CDC42BPA: variants seen among roughly 807,000 people sequenced by gnomAD.
CDC42BPA encodes serine/threonine-protein kinase MRCK alpha.
Under a neutral mutation model 223.5 loss-of-function variants are expected in CDC42BPA, and 80 were observed. The observed-to-expected ratio is 0.36, with a 90% CI of 0.30 to 0.43. CDC42BPA has a LOEUF of 0.43. CDC42BPA is among the 20% of genes least tolerant of loss of function. The pLI, the probability that CDC42BPA is intolerant of heterozygous loss-of-function variation, is 1.00. For synonymous variants in CDC42BPA, 694 were observed against 718.6 expected, an observed-to-expected ratio of 0.97 and a Z score of 0.55; for missense variants, 1,743 against 2,099.9, an observed-to-expected ratio of 0.83 and a Z score of 3.32.
At chr1:227,260,142 C>G (rs565998767) in intron 1 of CDC42BPA, among the ~76,000 whole-genome samples, 1 of 150,724 alleles carries the variant, frequency 6.6e-6, no homozygotes, top group African/African-American at 2.5e-5. Flanking sequence ...GCTCCAAAAG[C>G]CTTTCCAACA....
chr1:227,151,421 A>G (rs900722995), intron 6 of CDC42BPA, among the ~76,000 whole-genome samples: 4 of 152,138 alleles, frequency 2.6e-5, no homozygotes, highest in Non-Finnish European at 5.9e-5. Flanking sequence ...GGCTACTGTG[A>G]ACAATGCTGC....
chr1:227,070,477 T>C (rs1392895848), intron 20 of CDC42BPA, among the ~76,000 whole-genome samples: 2 of 151,762 alleles, frequency 1.3e-5, no homozygotes, highest in African/African-American at 4.8e-5. Context: ...AACATACAAA[T>C]AAAAATACTA....
At chr1:227,074,055 A>G (rs756393212) in intron 18 of CDC42BPA, 43 bp from the exon 19 acceptor site, 3 of 1,581,602 alleles carry the variant, frequency 1.9e-6, no homozygotes, top group South Asian at 2.3e-5. Flanking sequence ...CCTATTTTTA[A>G]CATTTAAATT....
intron 1 of CDC42BPA, among the ~76,000 whole-genome samples, chr1:227,286,289 G>A (rs772279537): frequency 1.3e-5 from 2 of 152,078 alleles, no homozygotes; most frequent in African/African-American, 4.8e-5. Context: ...TATCATTCTC[G>A]AATGCTTTGG....
intron 2 of CDC42BPA, among the ~76,000 whole-genome samples, chr1:227,247,394 T>C (rs571691371): frequency 5.3e-5 from 8 of 150,098 alleles, no homozygotes; most frequent in Admixed American, 1.3e-4. Context: ...ACTCAGAAGG[T>C]TGAGGCAAGA....
chr1:227,184,385 T>A (rs1267531030), intron 5 of CDC42BPA, among the ~76,000 whole-genome samples: 1 of 146,248 alleles, frequency 6.8e-6, no homozygotes, highest in Non-Finnish European at 1.5e-5. Flanking sequence ...GGGGAAGTTA[T>A]TTGGGGTTTT....
In CDC42BPA at chr1:227,093,212, C is replaced by T. The variant is rs546935485; in HGVS notation, c.2250-1221G>A. Among the ~76,000 whole-genome samples the T allele has an allele frequency of 2.6e-4, 39 of 152,250 alleles. No homozygotes were observed. In the South Asian group the frequency reaches 8.1e-3, roughly 32 times the overall value. On this transcript the variant is annotated intron_variant, in intron 15 of 36. Transcript: ENST00000366766. ...TGTACAGTGACACTCAACCTGGGGC[C>T]ATCTGATGTTTATGACTAGTCTCAA...
chr1:227,054,519 T>C (rs1188169086), intron 21 of CDC42BPA, among the ~76,000 whole-genome samples: 1 of 152,174 alleles, frequency 6.6e-6, no homozygotes, highest in Non-Finnish European at 1.5e-5. Context: ...GAGCTGGTTG[T>C]TAAAACATTT....
At chr1:227,198,354 A>C (rs1162084257) in intron 4 of CDC42BPA, among the ~76,000 whole-genome samples, 1 of 148,268 alleles carries the variant, frequency 6.7e-6, no homozygotes. Flanking sequence ...GTTACTCAAG[A>C]GGCTGAGGTG....
intron 14 of CDC42BPA, among the ~76,000 whole-genome samples, chr1:227,109,429 A>G (rs1454703524): frequency 6.6e-6 from 1 of 152,042 alleles, no homozygotes; most frequent in Non-Finnish European, 1.5e-5. Flanking sequence ...GCAGTGACTC[A>G]ATCTCAGCTT....
chr1:227,014,121 T>C (rs12118022), intron 34 of CDC42BPA, among the ~76,000 whole-genome samples: 2 of 151,770 alleles, frequency 1.3e-5, no homozygotes, highest in Admixed American at 1.3e-4. Context: ...TTTAAGCAAA[T>C]GTTCCTAATG....
intron 16 of CDC42BPA, among the ~76,000 whole-genome samples, chr1:227,083,879 A>G (rs138619541): frequency 3.0e-4 from 46 of 152,316 alleles, no homozygotes; most frequent in African/African-American, 1.0e-3. Context: ...CTGCAACTTG[A>G]TAGGCAATGC....
intron 1 of CDC42BPA, among the ~76,000 whole-genome samples, chr1:227,269,330 G>GA (rs1193251275): frequency 1.3e-5 from 2 of 151,990 alleles, no homozygotes; most frequent in Admixed American, 6.6e-5. Flanking sequence ...GAACTATTTG[G>GA]AAAAAAACTT....
At chr1:227,257,567 T>C (rs553621617) in intron 1 of CDC42BPA, among the ~76,000 whole-genome samples, 5 of 150,802 alleles carry the variant, frequency 3.3e-5, no homozygotes, top group African/African-American at 1.2e-4. Context: ...CTGGTCAACA[T>C]GGTGAAACCC....
At chr1:227,177,129 A>C (rs1667096357) in intron 5 of CDC42BPA, among the ~76,000 whole-genome samples, 1 of 54,030 alleles carries the variant, frequency 1.9e-5, no homozygotes, top group East Asian at 4.0e-4. Flanking sequence ...AGATGTAAGA[A>C]AAAAAAAATA....
intron 5 of CDC42BPA, among the ~76,000 whole-genome samples, chr1:227,183,621 G>A (rs760832817): frequency 1.1e-4 from 17 of 152,158 alleles, no homozygotes; most frequent in East Asian, 5.8e-4. Flanking sequence ...TGTTGTTTCC[G>A]GTATTCTGCT....
chr1:227,179,324 T>C (rs1437903420), intron 5 of CDC42BPA, among the ~76,000 whole-genome samples: 1 of 146,742 alleles, frequency 6.8e-6, no homozygotes, highest in Admixed American at 6.8e-5. Flanking sequence ...GACTGTATGG[T>C]ATATGAATTT....
At chr1:227,252,464 GA>G (rs1172836949) in intron 2 of CDC42BPA, among the ~76,000 whole-genome samples, 3 of 151,994 alleles carry the variant, frequency 2.0e-5, no homozygotes, top group African/African-American at 7.2e-5. Context: ...AGCATATCAG[GA>G]AAAAAATAAT....
chr1:227,308,177 G>A (rs997849998), intron 1 of CDC42BPA, among the ~76,000 whole-genome samples: 7 of 152,054 alleles, frequency 4.6e-5, no homozygotes, highest in Admixed American at 3.3e-4. Context: ...ACCAATAAAT[G>A]GCATTTTAAT....
Sources: allele counts gnomAD v4.1 joint callset (sites outside exome capture counted in the v4.1 genomes callset), GRCh38; gene constraint gnomAD v4.1.1; transcripts MANE v1.5; gene names NCBI Gene and HGNC (gene_info 2026-07-23, HGNC 2026-07-21).